Variants in TBC1D32 observed in about 807,000 individuals in gnomAD.
The protein encoded by TBC1D32 is protein broad-minded.
A neutral mutation model predicts 170.3 loss-of-function variants in TBC1D32; 151 were observed. The ratio of observed to expected loss-of-function variants is 0.89; its 90% CI spans 0.78 to 1.01. The LOEUF is 1.01. Among genes scored for constraint, TBC1D32 ranks in the 50% least tolerant of loss-of-function variants. The pLI is 0.00. For missense variants in TBC1D32, 1,464 were observed against 1,457.1 expected (o/e 1.00, Z -0.08); for synonymous variants, 498 against 488.0 (o/e 1.02, Z -0.27).
chr6:121,259,605 C>A (rs1025262099), intron 15 of TBC1D32, among the ~76,000 whole-genome samples: 1 of 151,922 alleles, frequency 6.6e-6, no homozygotes, highest in Non-Finnish European at 1.5e-5. Flanking sequence ...CCCCCAAAGA[C>A]AAGGAGAATG....
chr6:121,125,719 G>A (rs1412154475), intron 26 of TBC1D32, among the ~76,000 whole-genome samples: 1 of 152,182 alleles, frequency 6.6e-6, no homozygotes, highest in Non-Finnish European at 1.5e-5. Flanking sequence ...GCTGATACTA[G>A]TACCCTAGGG....
At chr6:121,226,046 G>A (rs1464717049) in intron 20 of TBC1D32, among the ~76,000 whole-genome samples, 1 of 152,058 alleles carries the variant, frequency 6.6e-6, no homozygotes, top group Admixed American at 6.6e-5. Context: ...TAAGACTAAA[G>A]CATAAAATTA....
At chr6:121,211,350 G>A (rs886245748) in intron 21 of TBC1D32, among the ~76,000 whole-genome samples, 7 of 151,896 alleles carry the variant, frequency 4.6e-5, no homozygotes, top group African/African-American at 1.7e-4. Flanking sequence ...AAAAATAAAC[G>A]TCACTTTCAT....
At chr6:121,161,954 T>C (rs1003824418) in intron 22 of TBC1D32, among the ~76,000 whole-genome samples, 10 of 152,222 alleles carry the variant, frequency 6.6e-5, no homozygotes, top group African/African-American at 2.2e-4. Flanking sequence ...CTTTTTTTCA[T>C]ATGTTTGTTG....
chr6:121,161,010 C>A lies in TBC1D32; in HGVS notation c.2617G>T (p.Val873Phe), dbSNP rs754394746. The change falls in exon 23 of 32, where the codon GTT becomes TTT. Residue 873 changes from valine (V) to phenylalanine (F), a missense_variant. Val to Phe is a conservative substitution (Grantham distance 50). Coordinates refer to ENST00000398212, the MANE Select transcript of TBC1D32 (RefSeq NM_152730.6). ...GGCCCACCAACAAGATTTATTCTAA[C>A]AAGAACATGATTTCTCTCCACTGAT... is the stretch of plus-strand genomic sequence containing the variant. ...GLSVERNHVL[V>F]RINLVGGPLE... 2 of 1,613,608 alleles carry A rather than the reference C, an allele frequency of 1.2e-6. No individual in the cohort carries two copies. Among genetic ancestry groups the A allele is most frequent in the Non-Finnish European group, 1.7e-6 (2 of 1,179,840 alleles).
intron 15 of TBC1D32, among the ~76,000 whole-genome samples, chr6:121,261,072 G>C (rs1799703247): frequency 6.6e-6 from 1 of 152,080 alleles, no homozygotes; most frequent in South Asian, 2.1e-4. Flanking sequence ...TCCTCACTGG[G>C]TGGGGTCTCC....
intron 22 of TBC1D32, among the ~76,000 whole-genome samples, chr6:121,182,824 T>G (rs1333414318): frequency 6.6e-6 from 1 of 151,956 alleles, no homozygotes; most frequent in East Asian, 1.9e-4. Flanking sequence ...CAGGTATGTA[T>G]TTCACATATA....
intron 1 of TBC1D32, among the ~76,000 whole-genome samples, chr6:121,327,120 A>C (rs1278860768): frequency 1.4e-5 from 2 of 145,124 alleles, no homozygotes; most frequent in Non-Finnish European, 3.0e-5. Context: ...CAGGACTCCA[A>C]AAGATGGGAG....
intron 15 of TBC1D32, among the ~76,000 whole-genome samples, chr6:121,275,672 T>A (rs1029806414): frequency 1.3e-5 from 2 of 152,098 alleles, no homozygotes; most frequent in African/African-American, 2.4e-5. Context: ...AAGGTAAAAT[T>A]CAACTATTTT....
rs1040844273 is a variant in TBC1D32, at chr6:121,281,837, C to G, written c.1466-151G>C. ...CAATATCCAAAGGAAGATGTACTAC[C>G]AAATTATAACCTGACTTAGGGGAAT... On this transcript the variant is annotated intron_variant, in intron 13 of 31. Coordinates refer to ENST00000398212, the MANE Select transcript of TBC1D32 (RefSeq NM_152730.6). 7.5e-6 allele frequency: 4 copies of G among 532,290 alleles called. No homozygotes were observed. In the African/African-American group the frequency reaches 7.9e-5, roughly 11 times the overall value. 33.0% of individuals were successfully genotyped at this position (532,290 alleles called of 1,614,324 possible). A position where few individuals can be genotyped will look rare whatever the true frequency, so the allele number is the denominator to read the frequency against.
chr6:121,220,614 G>A (rs1475309844), intron 21 of TBC1D32, among the ~76,000 whole-genome samples: 1 of 150,986 alleles, frequency 6.6e-6, no homozygotes. Flanking sequence ...GATGAAGTTA[G>A]CTACATTAAA....
At chr6:121,280,110 T>A (rs1802778642) in intron 14 of TBC1D32, among the ~76,000 whole-genome samples, 1 of 151,914 alleles carries the variant, frequency 6.6e-6, no homozygotes, top group South Asian at 2.1e-4. Context: ...ATAGCACTAT[T>A]CATACTACTT....
chr6:121,123,996 C>T (rs374889491), intron 26 of TBC1D32, among the ~76,000 whole-genome samples: 27 of 152,008 alleles, frequency 1.8e-4, no homozygotes, highest in African/African-American at 6.3e-4. Context: ...TTCCTTTCTA[C>T]CACCATTTTG....
chr6:121,321,943 T>C (rs1742398482), intron 1 of TBC1D32, 149 bp from the exon 2 acceptor site: 2 of 822,502 alleles, frequency 2.4e-6, no homozygotes, highest in African/African-American at 1.8e-5. Flanking sequence ...GCTAATCTAC[T>C]AATTTTTGGC....
At chr6:121,241,053 T>C (rs1275249782) in intron 19 of TBC1D32, among the ~76,000 whole-genome samples, 1 of 152,128 alleles carries the variant, frequency 6.6e-6, no homozygotes, top group African/African-American at 2.4e-5. Context: ...TAGGAAATGT[T>C]ATGTAAATGA....
intron 1 of TBC1D32, among the ~76,000 whole-genome samples, chr6:121,324,947 C>T (rs886292326): frequency 2.8e-4 from 42 of 152,324 alleles, no homozygotes; most frequent in African/African-American, 7.5e-4. Flanking sequence ...CAGCGGCTCA[C>T]GCCTGTAATC....
At chr6:121,332,206 C>A (rs988445259) in intron 1 of TBC1D32, among the ~76,000 whole-genome samples, 1 of 151,592 alleles carries the variant, frequency 6.6e-6, no homozygotes, top group Non-Finnish European at 1.5e-5. Context: ...TATAGGCAAA[C>A]GTGTAGCTTT....
rs368960811 is a variant in TBC1D32 at position 121,087,062 on chromosome 6, T to C, written c.3654+3791A>G. Among the ~76,000 whole-genome samples, 6 of 152,320 alleles carry C rather than the reference T, an allele frequency of 3.9e-5. No homozygotes were observed. The East Asian group carries it at 9.6e-4, about 24-fold the overall frequency. ...CAGCATATCTTCAGAGGCTGCCTTCTAGCTCGGTACTAATCCATTAATCAC... is the reference window on the plus strand; with the variant it reads ...CAGCATATCTTCAGAGGCTGCCTTCCAGCTCGGTACTAATCCATTAATCAC... On this transcript the variant is annotated intron_variant, in intron 31 of 31. Coordinates refer to ENST00000398212, the MANE Select transcript of TBC1D32 (RefSeq NM_152730.6).
chr6:121,232,962 G>C (rs1188940611), intron 20 of TBC1D32, among the ~76,000 whole-genome samples: 1 of 151,940 alleles, frequency 6.6e-6, no homozygotes, highest in Non-Finnish European at 1.5e-5. Context: ...TATCATTGTT[G>C]GTCCAATGAT....
Sources: gnomAD v4.1 joint callset for allele counts (sites outside exome capture counted in the v4.1 genomes callset) on GRCh38, gnomAD v4.1.1 for gene constraint, MANE v1.5 for transcripts, NCBI Gene and HGNC (gene_info 2026-07-23, HGNC 2026-07-21) for gene names.